Variants in FAM227A observed in about 807,000 individuals in gnomAD.
FAM227A encodes the protein protein FAM227A.
A neutral mutation model predicts 74.7 loss-of-function variants in FAM227A; 80 were observed. The ratio of observed to expected loss-of-function variants is 1.07; its 90% confidence interval spans 0.89 to 1.29. The LOEUF (loss-of-function observed/expected upper bound fraction) is 1.29, where lower values mean the gene tolerates loss of function less well. Among genes scored for constraint, FAM227A ranks in the 50% most tolerant of loss-of-function variants. The pLI is 0.00. For missense variants in FAM227A, 654 were observed against 683.4 expected (o/e 0.96, Z 0.48); for synonymous variants, 237 against 241.8 (o/e 0.98, Z 0.19).
chr22:38,608,688 C>T (rs1420833778), intron 11 of FAM227A, among the ~76,000 whole-genome samples: 1 of 152,020 alleles, frequency 6.6e-6, no homozygotes, highest in Admixed American at 6.6e-5. Context: ...GCCTCGGCCT[C>T]CCAAAGTGCT....
chr22:38,627,597 T>C (rs890615768), intron 8 of FAM227A, among the ~76,000 whole-genome samples: 1 of 141,154 alleles, frequency 7.1e-6, no homozygotes, highest in Non-Finnish European at 1.5e-5. Context: ...AAAGGGAAAG[T>C]TTTTTTTTTG....
intron 8 of FAM227A, among the ~76,000 whole-genome samples, chr22:38,627,246 CTTAT>C (rs1385000747): frequency 2.0e-5 from 3 of 151,800 alleles, no homozygotes; most frequent in African/African-American, 4.8e-5. Flanking sequence ...AAATTATATG[CTTAT>C]TTAAATACTA....
chr22:38,605,395 T>G, intron 12 of FAM227A, 47 bp from the exon 13 acceptor site: 1 of 1,121,834 alleles, frequency 8.9e-7, no homozygotes, highest in South Asian at 1.3e-5. Flanking sequence ...GTTCAAGCAA[T>G]TCTCGTGCCT....
Position 38,591,421 on chromosome 22 carries a change from C to T in FAM227A, c.1638+14G>A. The stretch of plus-strand genomic sequence containing the variant: ...CGAACAACCCTTAAACTCAATTTCT[C>T]TTTGGAGACTTCCCTTAGTTTTCTT... On this transcript the variant is annotated intron_variant, in intron 16 of 16. Transcript: ENST00000535113. The T allele has an allele frequency of 6.4e-7, 1 of 1,551,178 alleles. No individual in the cohort carries two copies. Among genetic ancestry groups the T allele is most frequent in the Admixed American group, 2.0e-5 (1 of 50,928 alleles).
intron 3 of FAM227A, among the ~76,000 whole-genome samples, chr22:38,642,292 C>A (rs2092133492): frequency 6.6e-6 from 1 of 152,144 alleles, no homozygotes; most frequent in African/African-American, 2.4e-5. Context: ...GAACCAGTAG[C>A]AAAGCCAAAA....
At chr22:38,636,725 GT>G in intron 5 of FAM227A, 128 bp from the exon 6 acceptor site, 1 of 725,704 alleles carries the variant, frequency 1.4e-6, no homozygotes, top group Non-Finnish European at 2.1e-6. Flanking sequence ...AATGAGGGGT[GT>G]TTAGGATCCT....
In FAM227A at chr22:38,582,500, C is replaced by T. The variant is rs2090721809; in HGVS notation, c.*3625G>A. Reference sequence around the variant, plus strand: ...AATGTTAGTTCCCTTTGATGCTCTACCCCGCTTCCCTTATAAAGGGCAAAT... The same window carrying T: ...AATGTTAGTTCCCTTTGATGCTCTATCCCGCTTCCCTTATAAAGGGCAAAT... On this transcript the variant is annotated 3_prime_UTR_variant, in exon 17 of 17. Coordinates refer to ENST00000535113, the MANE Select transcript of FAM227A (RefSeq NM_001013647.2). 1 of 1,341,004 alleles carries T rather than the reference C, an allele frequency of 7.5e-7. No individual in the cohort carries two copies. The highest frequency in any genetic ancestry group is 1.0e-6 in the Non-Finnish European group (1 of 972,460). 83.1% of individuals were successfully genotyped at this position (1,341,004 alleles called of 1,614,324 possible).
chr22:38,613,834 A>C (rs750546176), intron 11 of FAM227A, among the ~76,000 whole-genome samples: 1 of 152,190 alleles, frequency 6.6e-6, no homozygotes, highest in Non-Finnish European at 1.5e-5. Context: ...ACTGATAAGA[A>C]AACTGAGGTT....
chr22:38,614,863 G>A (rs2091542721), intron 11 of FAM227A, among the ~76,000 whole-genome samples: 1 of 152,182 alleles, frequency 6.6e-6, no homozygotes, highest in Non-Finnish European at 1.5e-5. Context: ...TGGTCTCTGG[G>A]TGATGGCTGT....
At chr22:38,655,276 T>C (rs2092376959) in intron 1 of FAM227A, among the ~76,000 whole-genome samples, 1 of 152,082 alleles carries the variant, frequency 6.6e-6, no homozygotes, top group Non-Finnish European at 1.5e-5. Flanking sequence ...GCACCTGTAA[T>C]ACCAGCACTT....
Position 38,635,478 on chromosome 22 carries a change from T to C in FAM227A, c.519+973A>G, listed in dbSNP as rs1026649699. Among the ~76,000 whole-genome samples the C allele has an allele frequency of 8.5e-5, 13 of 152,238 alleles. 1 individual carries two copies. Among genetic ancestry groups the C allele is most frequent in the Admixed American group, 7.2e-4 (11 of 15,276 alleles). On this transcript the variant is annotated intron_variant, in intron 6 of 16. Transcript: ENST00000535113. ...CTGTACAGTGGCCGAGACCATTTCC[T>C]GGGCTTCCTCCCTTCTCCAAGACCT...
At chr22:38,648,771 G>A (rs185800089) in intron 2 of FAM227A, among the ~76,000 whole-genome samples, 12 of 151,630 alleles carry the variant, frequency 7.9e-5, no homozygotes, top group Admixed American at 3.9e-4. Context: ...TCAGGAGGTC[G>A]AGACCAGCCT....
At chr22:38,620,804 G>T (rs879632058) in intron 10 of FAM227A, among the ~76,000 whole-genome samples, 12 of 151,112 alleles carry the variant, frequency 7.9e-5, no homozygotes, top group Non-Finnish European at 1.2e-4. Context: ...ATGAGACTCC[G>T]TCTCAAGAAA....
intron 6 of FAM227A, among the ~76,000 whole-genome samples, chr22:38,634,445 C>A (rs957851813): frequency 6.6e-6 from 1 of 152,160 alleles, no homozygotes; most frequent in African/African-American, 2.4e-5. Context: ...ACTAATCATA[C>A]AAACTACCGT....
intron 11 of FAM227A, among the ~76,000 whole-genome samples, chr22:38,610,556 G>A (rs1376468864): frequency 1.3e-5 from 2 of 152,064 alleles, no homozygotes; most frequent in Admixed American, 6.6e-5. Flanking sequence ...GTCAAATAAA[G>A]ATAAGAAGTA....
intron 3 of FAM227A, 24 bp from the exon 4 acceptor site, chr22:38,639,748 G>A: frequency 6.8e-7 from 1 of 1,467,910 alleles, no homozygotes; most frequent in Non-Finnish European, 9.3e-7. Context: ...GAAAAAGGGG[G>A]GCATTAGGGA....
At chr22:38,606,539 C>T (rs981920442) in intron 12 of FAM227A, among the ~76,000 whole-genome samples, 3 of 152,078 alleles carry the variant, frequency 2.0e-5, no homozygotes, top group African/African-American at 7.2e-5. Context: ...CCTGTCCCTT[C>T]CCCATGCTCC....
intron 3 of FAM227A, among the ~76,000 whole-genome samples, chr22:38,640,659 C>A (rs1023671463): frequency 3.3e-5 from 5 of 152,146 alleles, no homozygotes; most frequent in African/African-American, 9.7e-5. Context: ...ATTTGGAGAG[C>A]CAAATCAGCA....
chr22:38,611,539 C>A (rs114724803), intron 11 of FAM227A, among the ~76,000 whole-genome samples: 1 of 152,096 alleles, frequency 6.6e-6, no homozygotes, highest in Non-Finnish European at 1.5e-5. Context: ...CATCACCTAC[C>A]CCTAGATTGA....
Sources: gnomAD v4.1 joint callset for allele counts (sites outside exome capture counted in the v4.1 genomes callset) on GRCh38, gnomAD v4.1.1 for gene constraint, MANE v1.5 for transcripts, NCBI Gene and HGNC (gene_info 2026-07-23, HGNC 2026-07-21) for gene names.